CADM2: variants seen among roughly 807,000 people sequenced by gnomAD.
CADM2 encodes immunoglobulin superfamily member 4D.
Under a neutral mutation model 49.8 loss-of-function variants are expected in CADM2, and 12 were observed. The observed-to-expected ratio is 0.24, with a 90% CI of 0.15 to 0.39. CADM2 has a LOEUF of 0.39. Ranked by LOEUF, CADM2 falls within the 10% of genes least tolerant of loss-of-function variation. The pLI is 1.00. For missense variants in CADM2, 378 were observed against 492.3 expected (o/e 0.77, Z 2.20); for synonymous variants, 214 against 175.4 (o/e 1.22, Z -1.74).
At chr3:85,964,635 A>G (rs1390212139) in intron 8 of CADM2, among the ~76,000 whole-genome samples, 1 of 151,902 alleles carries the variant, frequency 6.6e-6, no homozygotes, top group African/African-American at 2.4e-5. Context: ...TTTAACTGCC[A>G]GTCTAAAATT....
chr3:85,614,479 G>A (rs1236813224), intron 1 of CADM2, among the ~76,000 whole-genome samples: 1 of 151,716 alleles, frequency 6.6e-6, no homozygotes, highest in Non-Finnish European at 1.5e-5. Context: ...AAAGAATTTA[G>A]GTAGTCCTTA....
At position 86,014,451 on chromosome 3, in the gene CADM2, G is replaced by C. The variant is rs763535292; in HGVS notation, c.971-51154G>C. The stretch of plus-strand genomic sequence containing the variant: ...TTATCATGAATTTTGGTTTGAGGAA[G>C]CCACAAATTTGGTAACCAAACTTGA... On this transcript the variant is annotated intron_variant, in intron 8 of 9. Transcript: ENST00000383699. 4.3e-4 allele frequency: 643 copies of C among 1,492,728 alleles called. 1 individual carries two copies. Among genetic ancestry groups the C allele is most frequent in the Non-Finnish European group, 4.4e-4 (490 of 1,114,632 alleles). 92.5% of individuals were successfully genotyped at this position (1,492,728 alleles called of 1,614,324 possible). A position where few individuals can be genotyped will look rare whatever the true frequency, so the allele number is the denominator to read the frequency against.
At chr3:85,684,572 G>A (rs1277569986) in intron 1 of CADM2, among the ~76,000 whole-genome samples, 1 of 152,124 alleles carries the variant, frequency 6.6e-6, no homozygotes, top group African/African-American at 2.4e-5. Context: ...AGACATACCC[G>A]AGACTGGGTA....
intron 1 of CADM2, among the ~76,000 whole-genome samples, chr3:85,158,283 C>G (rs2040204753): frequency 1.3e-5 from 2 of 152,144 alleles, no homozygotes; most frequent in South Asian, 4.1e-4. Flanking sequence ...GACAGTGTGG[C>G]AATTCCTCAG....
chr3:85,684,620 C>A (rs946975447), intron 1 of CADM2, among the ~76,000 whole-genome samples: 1 of 152,070 alleles, frequency 6.6e-6, no homozygotes, highest in African/African-American at 2.4e-5. Context: ...ACTCATAGTT[C>A]CACATCGCTG....
At chr3:85,057,599 A>G (rs1161374433) in intron 1 of CADM2, among the ~76,000 whole-genome samples, 1 of 152,122 alleles carries the variant, frequency 6.6e-6, no homozygotes, top group African/African-American at 2.4e-5. Context: ...TTTGTCATTA[A>G]CATGTTTTAC....
chr3:85,264,403 T>C (rs2043076929), intron 1 of CADM2, among the ~76,000 whole-genome samples: 1 of 152,126 alleles, frequency 6.6e-6, no homozygotes, highest in South Asian at 2.1e-4. Context: ...ATAGATAAAA[T>C]GCTACTTCTT....
intron 1 of CADM2, among the ~76,000 whole-genome samples, chr3:85,493,574 A>G (rs1290457016): frequency 6.6e-6 from 1 of 152,218 alleles, no homozygotes; most frequent in Non-Finnish European, 1.5e-5. Context: ...CAAATACAAG[A>G]TTTTAATTAT....
At chr3:85,262,397 A>G (rs995459396) in intron 1 of CADM2, among the ~76,000 whole-genome samples, 2 of 152,130 alleles carry the variant, frequency 1.3e-5, no homozygotes, top group African/African-American at 4.8e-5. Flanking sequence ...TTAAGAGGAC[A>G]AAAGCAAGGA....
intron 2 of CADM2, among the ~76,000 whole-genome samples, chr3:85,788,490 CAGAGA>C (rs1229703094): frequency 2.0e-5 from 3 of 151,798 alleles, no homozygotes; most frequent in African/African-American, 7.3e-5. Context: ...TAATTTTTTA[CAGAGA>C]AGAATACAGA....
chr3:85,212,891 TCTTTC>T (rs1162449598), intron 1 of CADM2, among the ~76,000 whole-genome samples: 1,691 of 137,970 alleles, frequency 0.012, 91 homozygotes, highest in African/African-American at 0.051. Flanking sequence ...TCTTTCTCTT[TCTTTC>T]TTTTAATGGA....
intron 1 of CADM2, among the ~76,000 whole-genome samples, chr3:85,348,623 C>T (rs1029576519): frequency 1.3e-5 from 2 of 152,298 alleles, no homozygotes; most frequent in South Asian, 4.1e-4. Flanking sequence ...CAGTGTTCAT[C>T]TGCTTTTGGG....
At chr3:85,264,095 C>T (rs1242663583) in intron 1 of CADM2, among the ~76,000 whole-genome samples, 2 of 152,042 alleles carry the variant, frequency 1.3e-5, no homozygotes, top group African/African-American at 2.4e-5. Context: ...CACCTATGGG[C>T]CTGACCTTTC....
chr3:85,411,133 A>C (rs2035638104), intron 1 of CADM2, among the ~76,000 whole-genome samples: 1 of 152,334 alleles, frequency 6.6e-6, no homozygotes, highest in African/African-American at 2.4e-5. Context: ...ACGTGGTACG[A>C]TGAAGACATG....
chr3:85,411,567 C>G (rs2035657934), intron 1 of CADM2, among the ~76,000 whole-genome samples: 1 of 152,100 alleles, frequency 6.6e-6, no homozygotes, highest in Non-Finnish European at 1.5e-5. Context: ...TCACAGATTT[C>G]CCTACTGAAC....
intron 1 of CADM2, among the ~76,000 whole-genome samples, chr3:85,368,924 T>G (rs1385654747): frequency 6.6e-6 from 1 of 152,100 alleles, no homozygotes; most frequent in Non-Finnish European, 1.5e-5. Flanking sequence ...CTATTGCCAG[T>G]CCAACTCCAT....
At chr3:85,032,340 T>C (rs1001414268) in intron 1 of CADM2, among the ~76,000 whole-genome samples, 9 of 152,168 alleles carry the variant, frequency 5.9e-5, no homozygotes, top group African/African-American at 2.2e-4. Context: ...ATTGCCATTT[T>C]GGTGAAGCAG....
chr3:85,601,169 T>TACAC lies in CADM2; in HGVS notation c.62-125352_62-125351insCACA, dbSNP rs1459878927. ...ATATATATATATATATATATATATA[T>TACAC]ATATACACACACACACACACATACA... On this transcript the variant is annotated intron_variant, in intron 1 of 9. Coordinates refer to ENST00000383699, the MANE Select transcript of CADM2 (RefSeq NM_001167675.2). Among the ~76,000 whole-genome samples the TACAC allele has an allele frequency of 9.9e-4, 75 of 75,876 alleles. No homozygotes were observed. The East Asian group carries it at 0.01, about 11-fold the overall frequency. 49.8% of individuals were successfully genotyped at this position (75,876 alleles called of 152,430 possible).
chr3:85,598,896 A>G (rs563728969), intron 1 of CADM2, among the ~76,000 whole-genome samples: 1 of 151,940 alleles, frequency 6.6e-6, no homozygotes, highest in South Asian at 2.1e-4. Context: ...ACACATAGAC[A>G]TATATATCTT....
Sources: allele counts gnomAD v4.1 joint callset (sites outside exome capture counted in the v4.1 genomes callset), GRCh38; gene constraint gnomAD v4.1.1; transcripts MANE v1.5; gene names NCBI Gene and HGNC (gene_info 2026-07-23, HGNC 2026-07-21).